ESPN: variants seen among roughly 807,000 people sequenced by gnomAD.
ESPN encodes autosomal recessive deafness type 36 protein.
In ESPN, 68 loss-of-function variants were observed where a neutral mutation model predicts 77.7. The ratio of observed to expected loss-of-function variants is 0.87; its 90% confidence interval spans 0.72 to 1.07. The LOEUF (loss-of-function observed/expected upper bound fraction) is 1.07, where lower values mean the gene tolerates loss of function less well. ESPN is among the 50% of genes least tolerant of loss of function. The pLI is 0.00. For missense variants in ESPN, 1,060 were observed against 1,239.0 expected (o/e 0.86, Z 2.17); for synonymous variants, 449 against 567.1 (o/e 0.79, Z 2.96).
chr1:6,449,847 G>C (rs1643914824), intron 8 of ESPN, among the ~76,000 whole-genome samples: 1 of 152,180 alleles, frequency 6.6e-6, no homozygotes, highest in East Asian at 1.9e-4. Flanking sequence ...AGAGTGCCTA[G>C]ATGTGGTGCT....
Position 6,437,291 on chromosome 1 carries a change from G to C in ESPN, c.489-2963G>C. ...CTGGGTCATGGATCTCTGCCAAGTG[G>C]GGGGTGCTGGGAGAGCAGAGCTCAC... On this transcript the variant is annotated intron_variant, in intron 2 of 12. Coordinates refer to ENST00000645284, the MANE Select transcript of ESPN (RefSeq NM_031475.3). The surrounding 1 kb of genome is among the most constrained non-coding windows in gnomAD (Gnocchi z 4.5). 6.6e-6 allele frequency: 1 copy of C among 151,526 alleles called. No individual in the cohort carries two copies. Among genetic ancestry groups the C allele is most frequent in the East Asian group, 1.9e-4 (1 of 5,148 alleles). 9.4% of individuals were successfully genotyped at this position (151,526 alleles called of 1,614,324 possible). A position where few individuals can be genotyped will look rare whatever the true frequency, so the allele number is the denominator to read the frequency against.
intron 2 of ESPN, among the ~76,000 whole-genome samples, chr1:6,438,238 A>G (rs1407298643): frequency 6.6e-6 from 1 of 152,180 alleles, no homozygotes; most frequent in African/African-American, 2.4e-5. Context: ...CTGGCTGTTC[A>G]CCTGGACACA....
intron 5 of ESPN, among the ~76,000 whole-genome samples, chr1:6,442,812 G>A (rs1643687208): frequency 7.2e-6 from 1 of 138,380 alleles, no homozygotes; most frequent in East Asian, 2.2e-4. Flanking sequence ...AGGTTGCAGT[G>A]AGCCGAGATC....
chr1:6,429,966 C>A, intron 2 of ESPN: 1 of 153,974 alleles, frequency 6.5e-6, no homozygotes, highest in Non-Finnish European at 1.5e-5. Context: ...GCATGTGACT[C>A]GACTGATAAG....
chr1:6,457,211 A>G lies in ESPN; in HGVS notation c.2353A>G (p.Ser785Gly). The G allele has an allele frequency of 1.9e-6, 3 of 1,611,266 alleles. No homozygotes were observed. The highest frequency in any genetic ancestry group is 2.5e-6 in the Non-Finnish European group (3 of 1,178,684). The change falls in exon 11 of 13, where the codon AGC becomes GGC. Residue 785 changes from serine to glycine, a missense_variant. Ser to Gly is a moderately conservative substitution (Grantham distance 56). This residue lies in a region of ESPN where 374 missense variants were observed against 381.4 expected (regional missense o/e 0.98). Transcript: ENST00000645284. ...GGAGGAGGAGGAGGCCCGGCTGGCC[A>G]GCATGCCCGCCTGGAGGCGGGACCT... Reference protein sequence around the residue: ...KEEEEEARLASMPAWRRDLLR... With the variant: ...KEEEEEARLAGMPAWRRDLLR...
chr1:6,452,308 G>A (rs1643963162), intron 10 of ESPN, among the ~76,000 whole-genome samples: 1 of 151,936 alleles, frequency 6.6e-6, no homozygotes, highest in Admixed American at 6.6e-5. Context: ...AGGTTCAAAT[G>A]ATTCTCCTGC....
chr1:6,435,560 G>A (rs1643406718), intron 2 of ESPN, among the ~76,000 whole-genome samples: 1 of 152,268 alleles, frequency 6.6e-6, no homozygotes, highest in African/African-American at 2.4e-5. Context: ...AAGAGGGTTT[G>A]GGTCAAAGCC....
intron 2 of ESPN, among the ~76,000 whole-genome samples, chr1:6,432,302 A>T (rs1643280784): frequency 6.6e-6 from 1 of 152,202 alleles, no homozygotes; most frequent in Admixed American, 6.5e-5. Flanking sequence ...TGATTCTGCC[A>T]CAGGCCGTGG....
chr1:6,449,484 G>A (rs1412551942), intron 8 of ESPN, among the ~76,000 whole-genome samples: 2 of 152,170 alleles, frequency 1.3e-5, no homozygotes, highest in South Asian at 2.1e-4. Flanking sequence ...AGGGACACTC[G>A]AAGTAGAACC....
intron 2 of ESPN, among the ~76,000 whole-genome samples, chr1:6,438,848 A>G (rs6676412): frequency 0.026 from 3,959 of 152,332 alleles, 162 homozygotes; most frequent in African/African-American, 0.09. Context: ...GCGGTGGCTC[A>G]CACCTGTAAT....
At chr1:6,425,323 G>A (rs993665114) in intron 1 of ESPN, 74 bp downstream of exon 1, 5 of 1,513,714 alleles carry the variant, frequency 3.3e-6, no homozygotes, top group African/African-American at 1.4e-5. Context: ...AGTCCCCCGG[G>A]GCTCAAGGAT....
intron 1 of ESPN, among the ~76,000 whole-genome samples, chr1:6,426,165 C>T (rs112726527): frequency 0.062 from 9,446 of 152,206 alleles, 326 homozygotes; most frequent in African/African-American, 0.078. Context: ...GTCAGGGTAA[C>T]TCTAAACTGG....
chr1:6,454,720 CCGCCTGGT>C (rs1366614817), intron 10 of ESPN: 3 of 398,186 alleles, frequency 7.5e-6, no homozygotes, highest in Non-Finnish European at 8.9e-6. Flanking sequence ...GCCAGCCTGC[CCGCCTGGT>C]GCAGCAAGAT....
chr1:6,426,005 G>A (rs962514826), intron 1 of ESPN, among the ~76,000 whole-genome samples: 2 of 152,230 alleles, frequency 1.3e-5, no homozygotes, highest in Non-Finnish European at 2.9e-5. Flanking sequence ...GGTGAGGAAG[G>A]GAAAAGCTGC....
intron 1 of ESPN, among the ~76,000 whole-genome samples, chr1:6,426,579 G>A (rs1264851721): frequency 2.0e-5 from 3 of 152,170 alleles, no homozygotes; most frequent in African/African-American, 7.2e-5. Context: ...CCTGGGGCCT[G>A]GACACCTGGA....
At chr1:6,461,174 TCA>T (rs1442457852), downstream of ESPN, 2 of 702,920 alleles carry the variant, frequency 2.8e-6, no homozygotes, top group Admixed American at 2.0e-5. The surrounding 1 kb of genome is among the most constrained non-coding windows in gnomAD (Gnocchi z 6.3). Flanking sequence ...TTGTTTTCTT[TCA>T]CAGATTTAAT....
At chr1:6,445,495 C>G (rs1643795099) in intron 6 of ESPN, 169 bp from the exon 7 acceptor site, 2 of 745,058 alleles carry the variant, frequency 2.7e-6, no homozygotes, top group Non-Finnish European at 4.7e-6. Context: ...CAGGGTAGGG[C>G]CAGGGAGGGG....
intron 2 of ESPN, among the ~76,000 whole-genome samples, chr1:6,434,234 G>A (rs1228893653): frequency 2.0e-5 from 3 of 152,108 alleles, no homozygotes; most frequent in Non-Finnish European, 4.4e-5. Context: ...CTGGCTTTGC[G>A]TTCTGTGTGC....
Position 6,452,026 on chromosome 1 carries a change from A to G in ESPN, c.2255A>G (p.Glu752Gly). Residue 752 changes from glutamate (E) to glycine (G), a missense_variant, in exon 10 of 13, where the codon GAG becomes GGG. By Grantham distance (98) the Glu-to-Gly change is moderately conservative. This residue lies in a region of ESPN where 374 missense variants were observed against 381.4 expected (regional missense o/e 0.98). Transcript: ENST00000645284. ...GATGAGCAGGGCCGGCCCATCCCCG[A>G]GTGGAAGCGCCAGGTGATGGTGCGC... Reference protein sequence around the residue: ...THDEQGRPIPEWKRQVMVRKM... With the variant: ...THDEQGRPIPGWKRQVMVRKM... 6.3e-7 allele frequency: 1 copy of G among 1,591,934 alleles called. No individual in the cohort carries two copies. The highest frequency in any genetic ancestry group is 8.6e-7 in the Non-Finnish European group (1 of 1,168,540).
Sources: gnomAD v4.1 joint callset for allele counts (sites outside exome capture counted in the v4.1 genomes callset) on GRCh38, gnomAD v4.1.1 for gene constraint, gnomAD v4.1.1 regional missense constraint, Gnocchi (gnomAD v3.1) non-coding constraint, MANE v1.5 for transcripts, NCBI Gene and HGNC (gene_info 2026-07-23, HGNC 2026-07-21) for gene names.